RAB31: variants seen among roughly 807,000 people sequenced by gnomAD.
RAB31 encodes RAB31, member RAS oncogene family.
In RAB31, 21 loss-of-function variants were observed where a neutral mutation model predicts 25.6. The ratio of observed to expected loss-of-function variants is 0.82; its 90% CI spans 0.58 to 1.18. The LOEUF is 1.18. RAB31 is among the 50% of genes most tolerant of loss of function. The pLI is 0.00. For synonymous variants in RAB31, 87 were observed against 84.0 expected (o/e 1.04, Z -0.20); for missense variants, 196 against 250.1 (o/e 0.78, Z 1.46).
At chr18:9,830,649 G>T (rs2068673478) in intron 5 of RAB31, 1 of 152,140 alleles carries the variant, frequency 6.6e-6, no homozygotes, top group African/African-American at 2.4e-5. Context: ...TTCATCATCA[G>T]AAGTCCTTAA....
chr18:9,833,099 A>G (rs1476991278), intron 5 of RAB31, among the ~76,000 whole-genome samples: 1 of 152,056 alleles, frequency 6.6e-6, no homozygotes, highest in Non-Finnish European at 1.5e-5. Context: ...CAAGAAGATG[A>G]CCCAAGACCT....
intron 5 of RAB31, among the ~76,000 whole-genome samples, chr18:9,839,466 C>A (rs755838300): frequency 6.6e-6 from 1 of 152,108 alleles, no homozygotes; most frequent in Non-Finnish European, 1.5e-5. Flanking sequence ...TTGCAGGAGG[C>A]TAGAGGACCA....
At chr18:9,800,912 T>G (rs919423185) in intron 3 of RAB31, among the ~76,000 whole-genome samples, 3 of 152,174 alleles carry the variant, frequency 2.0e-5, no homozygotes, top group Non-Finnish European at 4.4e-5. Flanking sequence ...GCACAATCCA[T>G]TTTAGAGCAT....
At chr18:9,851,112 C>G (rs1379733663) in intron 6 of RAB31, among the ~76,000 whole-genome samples, 3 of 152,098 alleles carry the variant, frequency 2.0e-5, no homozygotes, top group Admixed American at 6.6e-5. Context: ...AGTCAGCAAG[C>G]TGTCAGGTGA....
chr18:9,759,523 T>C (rs921786540), intron 1 of RAB31, among the ~76,000 whole-genome samples: 17 of 151,592 alleles, frequency 1.1e-4, no homozygotes, highest in Non-Finnish European at 1.5e-4. Context: ...GCGAATCTCA[T>C]GAGGGACCCT....
At chr18:9,720,676 T>C (rs1437032932) in intron 1 of RAB31, among the ~76,000 whole-genome samples, 7 of 143,598 alleles carry the variant, frequency 4.9e-5, no homozygotes, top group Non-Finnish European at 1.1e-4. Context: ...AATTTTCTCT[T>C]TTTTTTTTTT....
intron 6 of RAB31, among the ~76,000 whole-genome samples, chr18:9,853,958 C>CT (rs1568197044): frequency 1.7e-5 from 2 of 115,378 alleles, no homozygotes; most frequent in Non-Finnish European, 1.9e-5. Flanking sequence ...CTTTTCTTTT[C>CT]TTTTCTTTTT....
At chr18:9,770,115 G>A (rs1234220521) in intron 1 of RAB31, among the ~76,000 whole-genome samples, 2 of 152,122 alleles carry the variant, frequency 1.3e-5, no homozygotes, top group African/African-American at 4.8e-5. Flanking sequence ...GGATTTTTGC[G>A]TTGGTGTTCA....
At chr18:9,848,809 T>G (rs899341436) in intron 6 of RAB31, among the ~76,000 whole-genome samples, 1 of 152,224 alleles carries the variant, frequency 6.6e-6, no homozygotes, top group Non-Finnish European at 1.5e-5. Flanking sequence ...GATGAAGAGA[T>G]GAATGTTTCT....
At chr18:9,837,042 T>G (rs2068709189) in intron 5 of RAB31, among the ~76,000 whole-genome samples, 1 of 143,246 alleles carries the variant, frequency 7.0e-6, no homozygotes, top group Non-Finnish European at 1.5e-5. Context: ...CATGGGGAGA[T>G]TCAGTGTGTG....
chr18:9,750,524 G>A (rs576064942), intron 1 of RAB31, among the ~76,000 whole-genome samples: 4 of 152,186 alleles, frequency 2.6e-5, no homozygotes, highest in African/African-American at 9.7e-5. Flanking sequence ...GCAGTTGCAT[G>A]CAAAACTGGG....
chr18:9,846,227 C>T (rs2068761278), intron 6 of RAB31, among the ~76,000 whole-genome samples: 1 of 152,206 alleles, frequency 6.6e-6, no homozygotes, highest in Non-Finnish European at 1.5e-5. Flanking sequence ...AGCCTCCTTC[C>T]TGGTCCCAGT....
intron 2 of RAB31, among the ~76,000 whole-genome samples, chr18:9,777,704 C>G (rs780626329): frequency 6.7e-6 from 1 of 149,906 alleles, no homozygotes; most frequent in Non-Finnish European, 1.5e-5. Context: ...CTTCTACTTT[C>G]TAAACTTTTG....
chr18:9,785,526 A>T (rs1030852561), intron 2 of RAB31, among the ~76,000 whole-genome samples: 4 of 152,204 alleles, frequency 2.6e-5, no homozygotes, highest in Non-Finnish European at 5.9e-5. Flanking sequence ...AACCCTTGTT[A>T]TAATCTTGGG....
intron 6 of RAB31, among the ~76,000 whole-genome samples, chr18:9,849,170 G>T (rs888713388): frequency 1.8e-4 from 28 of 151,996 alleles, no homozygotes; most frequent in Admixed American, 4.6e-4. Context: ...AGGAAGAAAA[G>T]TAAAAACTTG....
intron 1 of RAB31, among the ~76,000 whole-genome samples, chr18:9,725,661 T>C (rs1470476231): frequency 1.3e-5 from 2 of 152,162 alleles, no homozygotes; most frequent in Non-Finnish European, 2.9e-5. Context: ...AAATAAGGGG[T>C]CTTGTATTAA....
chr18:9,828,714 G>A (rs2143103712), intron 5 of RAB31, among the ~76,000 whole-genome samples: 1 of 152,308 alleles, frequency 6.6e-6, no homozygotes, highest in East Asian at 1.9e-4. Flanking sequence ...CCACAGTTGA[G>A]TAGGGGAGTT....
In RAB31 at chr18:9,812,689, ATTTTTTTTTTTTT is replaced by A. The variant is rs55968922; in HGVS notation, c.202-1317_202-1305del. ...ACTTTCAAAACCCCTCCAGGATACT[ATTTTTTTTTTTTT>A]TTTTTTTTTTTTTGAGATAAAGTCT... On this transcript the variant is annotated intron_variant, in intron 3 of 6. Coordinates refer to ENST00000578921, the MANE Select transcript of RAB31 (RefSeq NM_006868.4). Among the ~76,000 whole-genome samples, 12 of 90,234 alleles carry A rather than the reference ATTTTTTTTTTTTT, an allele frequency of 1.3e-4. 1 individual carries two copies. The highest frequency in any genetic ancestry group is 4.3e-4 in the South Asian group (1 of 2,342). 59.2% of individuals were successfully genotyped at this position (90,234 alleles called of 152,430 possible).
At chr18:9,723,847 T>C (rs182066733) in intron 1 of RAB31, 4 of 152,328 alleles carry the variant, frequency 2.6e-5, no homozygotes, top group South Asian at 4.1e-4. Flanking sequence ...GTATTCATAA[T>C]GATCCATCCC....
Sources: allele counts gnomAD v4.1 joint callset (sites outside exome capture counted in the v4.1 genomes callset), GRCh38; gene constraint gnomAD v4.1.1; transcripts MANE v1.5; gene names NCBI Gene and HGNC (gene_info 2026-07-23, HGNC 2026-07-21).